Variants in SPDYA observed in about 807,000 individuals in gnomAD.
SPDYA encodes the protein speedy protein A.
Under a neutral mutation model 36.7 loss-of-function variants are expected in SPDYA, and 11 were observed. The observed-to-expected ratio is 0.30, with a 90% CI of 0.19 to 0.50. SPDYA has a LOEUF of 0.50. Among genes scored for constraint, SPDYA ranks in the 20% least tolerant of loss-of-function variants. The probability of loss-of-function intolerance (pLI) is 0.98; values close to 1 mark genes in which losing one functional copy is unlikely to be tolerated. For missense variants in SPDYA, 287 were observed against 370.9 expected (o/e 0.77, Z 1.86); for synonymous variants, 115 against 118.7 (o/e 0.97, Z 0.20).
chr2:28,822,267 G>T, intron 4 of SPDYA, 58 bp from the exon 5 acceptor site: 1 of 722,468 alleles, frequency 1.4e-6, no homozygotes, highest in Non-Finnish European at 2.2e-6. Flanking sequence ...CTATTTTAAA[G>T]CAGTTTTATT....
chr2:28,825,722 T>A (rs1668300243), intron 5 of SPDYA, among the ~76,000 whole-genome samples: 1 of 152,086 alleles, frequency 6.6e-6, no homozygotes. Flanking sequence ...ATCTTTCAAT[T>A]ACTAACATAT....
At chr2:28,819,364 C>T (rs570903933) in intron 4 of SPDYA, among the ~76,000 whole-genome samples, 1 of 151,892 alleles carries the variant, frequency 6.6e-6, no homozygotes, top group South Asian at 2.1e-4. Flanking sequence ...AAAAATTAGC[C>T]AAGTGTGGTG....
At chr2:28,827,642 G>GA (rs1553315564) in intron 5 of SPDYA, among the ~76,000 whole-genome samples, 1 of 150,820 alleles carries the variant, frequency 6.6e-6, no homozygotes, top group Non-Finnish European at 1.5e-5. Context: ...TTATCTAATG[G>GA]TTTTTTTTTC....
At chr2:28,846,266 G>A (rs1407338022) in intron 7 of SPDYA, among the ~76,000 whole-genome samples, 4 of 152,052 alleles carry the variant, frequency 2.6e-5, no homozygotes, top group Admixed American at 6.6e-5. Flanking sequence ...TTAGCCAGGC[G>A]TGGTGGTGGT....
At chr2:28,836,070 A>G (rs535282278) in intron 6 of SPDYA, among the ~76,000 whole-genome samples, 1 of 152,372 alleles carries the variant, frequency 6.6e-6, no homozygotes, top group South Asian at 2.1e-4. Context: ...AAACTAGCTT[A>G]TAATAATAAT....
chr2:28,817,539 C>A (rs1374116313), intron 3 of SPDYA, among the ~76,000 whole-genome samples: 1 of 147,638 alleles, frequency 6.8e-6, no homozygotes, highest in Admixed American at 6.8e-5. Context: ...CCAGCCTGGG[C>A]AACAAGAGTG....
At chr2:28,846,769 AC>A (rs1668888389) in intron 7 of SPDYA, among the ~76,000 whole-genome samples, 7 of 141,336 alleles carry the variant, frequency 5.0e-5, no homozygotes, top group Non-Finnish European at 9.5e-5. Flanking sequence ...ACACACACAC[AC>A]ACAAAGGGAA....
At chr2:28,840,907 C>A in intron 7 of SPDYA, 59 of 271,794 alleles carry the variant, frequency 2.2e-4, no homozygotes, top group Non-Finnish European at 3.0e-4. Flanking sequence ...TTTCCCATGT[C>A]ATTATTGAGT....
At chr2:28,819,672 A>G (rs535904879) in intron 4 of SPDYA, among the ~76,000 whole-genome samples, 33 of 151,178 alleles carry the variant, frequency 2.2e-4, no homozygotes, top group Admixed American at 1.1e-3. Context: ...AAATGACCTT[A>G]AATTTGTATT....
intron 7 of SPDYA, among the ~76,000 whole-genome samples, chr2:28,848,860 A>G (rs983475949): frequency 1.1e-4 from 16 of 152,096 alleles, no homozygotes; most frequent in African/African-American, 3.4e-4. Context: ...CCTGGGCAAC[A>G]TGACAAACCC....
intron 4 of SPDYA, 106 bp from the exon 5 acceptor site, chr2:28,822,219 A>G: frequency 2.0e-6 from 1 of 495,466 alleles, no homozygotes; most frequent in South Asian, 3.9e-5. Flanking sequence ...GTAACACTTT[A>G]TTGTTTTAGC....
At chr2:28,839,092 T>C (rs1668682316) in intron 6 of SPDYA, among the ~76,000 whole-genome samples, 1 of 152,194 alleles carries the variant, frequency 6.6e-6, no homozygotes, top group African/African-American at 2.4e-5. Context: ...TATGTGATGA[T>C]TTTACTCATC....
At chr2:28,832,663 T>C (rs1668505745) in intron 6 of SPDYA, among the ~76,000 whole-genome samples, 3 of 152,168 alleles carry the variant, frequency 2.0e-5, no homozygotes, top group African/African-American at 7.2e-5. Flanking sequence ...CTCTATTGTT[T>C]TAGTTGCTCA....
chr2:28,813,187 T>C (rs989947444), intron 1 of SPDYA, among the ~76,000 whole-genome samples: 1 of 152,242 alleles, frequency 6.6e-6, no homozygotes, highest in Non-Finnish European at 1.5e-5. Flanking sequence ...GACATTTTCT[T>C]CTCATTCAGT....
intron 4 of SPDYA, among the ~76,000 whole-genome samples, chr2:28,819,840 A>C (rs1668092311): frequency 1.9e-5 from 1 of 52,320 alleles, no homozygotes; most frequent in Non-Finnish European, 3.4e-5. Context: ...AAAAAAAAAA[A>C]AAAAAAAAAA....
intron 6 of SPDYA, among the ~76,000 whole-genome samples, chr2:28,832,823 A>G (rs1668508336): frequency 6.7e-6 from 1 of 150,348 alleles, no homozygotes; most frequent in Admixed American, 6.7e-5. Flanking sequence ...AAGTTTCCAA[A>G]TAGTCTCTCC....
intron 3 of SPDYA, among the ~76,000 whole-genome samples, 156 bp from the exon 4 acceptor site, chr2:28,818,892 C>T (rs1668061726): frequency 6.6e-6 from 1 of 152,174 alleles, no homozygotes; most frequent in Non-Finnish European, 1.5e-5. Flanking sequence ...ATGGTAAATA[C>T]ACCAAAGAAC....
At chr2:28,829,913 CA>C in intron 6 of SPDYA, among the ~76,000 whole-genome samples, 1 of 139,734 alleles carries the variant, frequency 7.2e-6, no homozygotes, top group East Asian at 2.1e-4. Context: ...CACTGCACTC[CA>C]GCCTGGGCGA....
intron 1 of SPDYA, among the ~76,000 whole-genome samples, chr2:28,812,682 C>A (rs1345241521): frequency 6.6e-6 from 1 of 151,792 alleles, no homozygotes; most frequent in African/African-American, 2.4e-5. Flanking sequence ...CATGGCGAAA[C>A]CCCATCTCTA....
Sources: allele counts gnomAD v4.1 joint callset (sites outside exome capture counted in the v4.1 genomes callset), GRCh38; gene constraint gnomAD v4.1.1; transcripts MANE v1.5; gene names NCBI Gene and HGNC (gene_info 2026-07-23, HGNC 2026-07-21).